The following RELN variants were observed in gnomAD, a reference collection of about 807,000 sequenced individuals.
RELN encodes reelin.
Under a neutral mutation model 427.6 loss-of-function variants are expected in RELN, and 108 were observed. The observed-to-expected ratio is 0.25, with a 90% CI of 0.22 to 0.30. The LOEUF (loss-of-function observed/expected upper bound fraction) is 0.30. RELN is among the 10% of genes least tolerant of loss of function. The pLI, the probability that RELN is intolerant of heterozygous loss-of-function variation, is 1.00. For synonymous variants in RELN, 1,524 were observed against 1,513.4 expected (o/e 1.01, Z -0.16); for missense variants, 3,715 against 4,302.8 (o/e 0.86, Z 3.82).
In RELN at chr7:103,492,095, C is replaced by T. The variant is rs1828692776; in HGVS notation, c.9370-69G>A. 5.7e-6 allele frequency: 7 copies of T among 1,229,732 alleles called. No individual in the cohort carries two copies. In the African/African-American group the frequency reaches 1.0e-4, roughly 18 times the overall value. 76.2% of individuals were successfully genotyped at this position (1,229,732 alleles called of 1,614,324 possible). A position where few individuals can be genotyped will look rare whatever the true frequency, so the allele number is the denominator to read the frequency against. ...ATACTGAATTCCATTAATTAAAATC[C>T]CATCCGTCCATTTATTACTCTGATA... On this transcript the variant is annotated intron_variant, in intron 57 of 64. Coordinates refer to ENST00000428762, the MANE Select transcript of RELN (RefSeq NM_005045.4).
At chr7:103,501,035 C>T (rs1829010250) in intron 52 of RELN, 113 bp from the exon 53 acceptor site, 1 of 933,500 alleles carries the variant, frequency 1.1e-6, no homozygotes, top group Non-Finnish European at 1.7e-6. Flanking sequence ...GATACTCTTA[C>T]TAGATGAAAT....
chr7:103,727,211 T>G (rs2115929487), intron 7 of RELN, among the ~76,000 whole-genome samples: 1 of 152,154 alleles, frequency 6.6e-6, no homozygotes, highest in Non-Finnish European at 1.5e-5. Flanking sequence ...GAAACACAAT[T>G]GTGACAGAAG....
intron 2 of RELN, among the ~76,000 whole-genome samples, chr7:103,902,688 G>C (rs1795109281): frequency 6.6e-6 from 1 of 152,078 alleles, no homozygotes; most frequent in Non-Finnish European, 1.5e-5. Flanking sequence ...TTGCCTCAGA[G>C]AACAGCCTAC....
intron 38 of RELN, among the ~76,000 whole-genome samples, chr7:103,556,247 C>T (rs895153297): frequency 3.9e-5 from 6 of 152,044 alleles, no homozygotes; most frequent in African/African-American, 7.2e-5. Context: ...ACTAATGAAA[C>T]GCCACACTCA....
chr7:103,783,033 T>C (rs901477910), intron 3 of RELN, among the ~76,000 whole-genome samples: 4 of 152,062 alleles, frequency 2.6e-5, no homozygotes, highest in African/African-American at 9.7e-5. Flanking sequence ...GGTAACTAAA[T>C]ATGTGGAATA....
chr7:103,818,550 G>A lies in RELN; in HGVS notation c.473+14987C>T, dbSNP rs548646315. 4.6e-5 allele frequency among the ~76,000 whole-genome samples: 7 copies of A among 152,144 alleles called. No homozygotes were observed. The South Asian group carries it at 6.2e-4, about 14-fold the overall frequency. Reference sequence around the variant, plus strand: ...AAATCATATATAGTTTTATGCATACGTCTTAGCTTTTAATTTTATCAGGTT... The same window carrying A: ...AAATCATATATAGTTTTATGCATACATCTTAGCTTTTAATTTTATCAGGTT... On this transcript the variant is annotated intron_variant, in intron 3 of 64. Coordinates refer to ENST00000428762, the MANE Select transcript of RELN (RefSeq NM_005045.4).
chr7:103,799,339 T>G (rs1044845160), intron 3 of RELN, among the ~76,000 whole-genome samples: 2 of 152,166 alleles, frequency 1.3e-5, no homozygotes, highest in Admixed American at 1.3e-4. Context: ...CATAGGATGC[T>G]ACTACAATTA....
At position 103,755,130 on chromosome 7, in the gene RELN, GA is replaced by G. The variant is rs777287828; in HGVS notation, c.545-1917del. ...CTTATATGGAGATGAGGACCGAAGG[GA>G]TTTTTTTGTTGTTTGTTTTGTTTCT... On this transcript the variant is annotated intron_variant, in intron 4 of 64. Coordinates refer to ENST00000428762, the MANE Select transcript of RELN (RefSeq NM_005045.4). Among the ~76,000 whole-genome samples, 103 of 147,868 alleles carry G rather than the reference GA, an allele frequency of 7.0e-4. No homozygotes were observed. The Middle Eastern group carries it at 0.011, about 16-fold the overall frequency.
In RELN at chr7:103,754,755, AAG is replaced by A. The variant is rs373009335; in HGVS notation, c.545-1543_545-1542del. On this transcript the variant is annotated intron_variant, in intron 4 of 64. Transcript: ENST00000428762. ...TGCAACATCACACTCCAGCCTGAGC[AAG>A]AGAGTCAGACCCTGTCTCTAAATAA... Among the ~76,000 whole-genome samples, 243 of 152,274 alleles carry A rather than the reference AAG, an allele frequency of 1.6e-3. 1 individual carries two copies. Among genetic ancestry groups the A allele is most frequent in the African/African-American group, 5.7e-3 (237 of 41,564 alleles).
intron 27 of RELN, among the ~76,000 whole-genome samples, chr7:103,590,788 G>C (rs1477807981): frequency 2.6e-5 from 4 of 152,174 alleles, no homozygotes; most frequent in Non-Finnish European, 5.9e-5. Flanking sequence ...TATCATAACT[G>C]TCCTTTCTTT....
At chr7:103,911,914 T>A (rs1350594725) in intron 2 of RELN, among the ~76,000 whole-genome samples, 1 of 145,762 alleles carries the variant, frequency 6.9e-6, no homozygotes, top group Non-Finnish European at 1.5e-5. Flanking sequence ...AGATGACGAG[T>A]TAGTGGGTGC....
intron 2 of RELN, among the ~76,000 whole-genome samples, chr7:103,902,637 C>T (rs569164426): frequency 1.3e-5 from 2 of 152,074 alleles, no homozygotes; most frequent in Non-Finnish European, 2.9e-5. Context: ...TCTTTCCATT[C>T]AGACATTCAG....
chr7:103,886,513 T>G (rs1794729140), intron 2 of RELN, among the ~76,000 whole-genome samples: 1 of 152,176 alleles, frequency 6.6e-6, no homozygotes, highest in Admixed American at 6.5e-5. Context: ...ATGTCCAAAT[T>G]AATGCACATC....
At chr7:103,587,513 AAAAC>A (rs2117234387) in intron 28 of RELN, among the ~76,000 whole-genome samples, 1 of 152,290 alleles carries the variant, frequency 6.6e-6, no homozygotes, top group South Asian at 2.1e-4. Flanking sequence ...AACAAAAACA[AAAAC>A]AGACAAGTGA....
At chr7:103,612,436 C>A (rs996472968) in intron 20 of RELN, among the ~76,000 whole-genome samples, 5 of 151,780 alleles carry the variant, frequency 3.3e-5, no homozygotes, top group Non-Finnish European at 7.4e-5. Context: ...CCACCATGCC[C>A]GGCTAATTTT....
chr7:103,931,704 A>T (rs1253130085), intron 1 of RELN, among the ~76,000 whole-genome samples: 1 of 152,220 alleles, frequency 6.6e-6, no homozygotes, highest in Non-Finnish European at 1.5e-5. Flanking sequence ...CACATCTGCC[A>T]TCTGGCTGGT....
At chr7:103,720,223 T>C (rs1397087323) in intron 8 of RELN, among the ~76,000 whole-genome samples, 1 of 151,532 alleles carries the variant, frequency 6.6e-6, no homozygotes, top group East Asian at 1.9e-4. Context: ...ACTGAGAGAG[T>C]ATTGCTGCTA....
intron 2 of RELN, among the ~76,000 whole-genome samples, chr7:103,897,021 G>A (rs927771103): frequency 6.6e-6 from 1 of 152,112 alleles, no homozygotes; most frequent in African/African-American, 2.4e-5. Context: ...ACGGCAGCAG[G>A]CAAGAAAGCT....
intron 51 of RELN, among the ~76,000 whole-genome samples, chr7:103,506,561 G>C (rs952882851): frequency 3.3e-5 from 5 of 152,168 alleles, no homozygotes; most frequent in African/African-American, 1.2e-4. Flanking sequence ...CCTGAAGGAA[G>C]CACTAAACAT....
Sources: gnomAD v4.1 joint callset for allele counts (sites outside exome capture counted in the v4.1 genomes callset) on GRCh38, gnomAD v4.1.1 for gene constraint, MANE v1.5 for transcripts, NCBI Gene and HGNC (gene_info 2026-07-23, HGNC 2026-07-21) for gene names.